The following NVL variants were observed in gnomAD, a reference collection of about 807,000 sequenced individuals.
NVL encodes the protein nuclear valosin-containing protein-like.
In NVL, 84 loss-of-function variants were observed where a neutral mutation model predicts 110.2. The observed-to-expected ratio is 0.76, with a 90% CI of 0.64 to 0.91. The LOEUF (loss-of-function observed/expected upper bound fraction) is 0.91, where lower values mean the gene tolerates loss of function less well. NVL is among the 40% of genes least tolerant of loss of function. The pLI is 0.00. For missense variants in NVL, 882 were observed against 1,035.9 expected (o/e 0.85, Z 2.04); for synonymous variants, 354 against 361.1 (o/e 0.98, Z 0.22).
chr1:224,273,044 A>AC (rs1558287039), intron 17 of NVL, among the ~76,000 whole-genome samples: 3 of 32,314 alleles, frequency 9.3e-5, no homozygotes, highest in African/African-American at 1.5e-4. Context: ...AAAAAAAAAC[A>AC]AAAAAAACAA....
chr1:224,327,675 A>T (rs967530292), intron 1 of NVL, among the ~76,000 whole-genome samples: 4 of 151,836 alleles, frequency 2.6e-5, no homozygotes, highest in Non-Finnish European at 5.9e-5. Context: ...AGAATAAGGG[A>T]TATTCATTTG....
Position 224,231,802 on chromosome 1 carries a change from G to A in NVL, c.2456-506C>T, listed in dbSNP as rs1050215530. 8.6e-5 allele frequency among the ~76,000 whole-genome samples: 13 copies of A among 151,856 alleles called. No individual in the cohort carries two copies. In the South Asian group the frequency reaches 1.7e-3, roughly 19 times the overall value. On this transcript the variant is annotated intron_variant, in intron 21 of 22. Coordinates refer to ENST00000281701, the MANE Select transcript of NVL (RefSeq NM_002533.4). ...AGCACTTTGGGAGGCCGAGGTGGGC[G>A]GATCATGAGATCAGGAGTTCGAGAC...
intron 18 of NVL, among the ~76,000 whole-genome samples, chr1:224,253,352 T>TA (rs1662735657): frequency 6.6e-6 from 1 of 150,714 alleles, no homozygotes; most frequent in Non-Finnish European, 1.5e-5. Flanking sequence ...TCCCAGGCTG[T>TA]ATATGCTTTC....
At position 224,287,837 on chromosome 1, in the gene NVL, C is replaced by T; in HGVS notation, c.1732G>A (p.Val578Met). 2.5e-6 allele frequency: 4 copies of T among 1,614,132 alleles called. No individual in the cohort carries two copies. In the South Asian group the frequency reaches 4.4e-5, roughly 18 times the overall value. Residue 578 changes from valine to methionine, a missense_variant, in exon 14 of 23, where the codon GTG (valine) becomes ATG (methionine). By Grantham distance (21) the Val-to-Met change is conservative. Coordinates refer to ENST00000281701, the MANE Select transcript of NVL (RefSeq NM_002533.4). Reference protein sequence around the residue: ...KREGFVTVPNVTWADIGALED... With the variant: ...KREGFVTVPNMTWADIGALED... ...AGGGCACCAATATCTGCCCATGTCA[C>T]ATTAGGGACAGTGACAAAGCCTTCC...
chr1:224,278,036 A>C (rs1289373674), intron 16 of NVL, among the ~76,000 whole-genome samples: 2 of 152,152 alleles, frequency 1.3e-5, no homozygotes, highest in African/African-American at 4.8e-5. Flanking sequence ...TTGTCCTACC[A>C]GACTGAACCC....
At chr1:224,251,271 CAA>C (rs35538758) in intron 18 of NVL, among the ~76,000 whole-genome samples, 102 of 62,168 alleles carry the variant, frequency 1.6e-3, no homozygotes, top group African/African-American at 4.9e-3. Flanking sequence ...GATACTGTCT[CAA>C]AAAAAAAAAA....
rs1667811856 is a variant in NVL, at chr1:224,295,702, G to A, written c.1180+799C>T. Among the ~76,000 whole-genome samples, 2 of 151,104 alleles carry A rather than the reference G, an allele frequency of 1.3e-5. 1 individual carries two copies. The highest frequency in any genetic ancestry group is 1.3e-4 in the Admixed American group (2 of 15,150). ...GTCTTTAAAAAAAAAAAACACCCAG[G>A]CACAGTGGCTCACACCTGTAATCCC... is the stretch of plus-strand genomic sequence containing the variant. On this transcript the variant is annotated intron_variant, in intron 11 of 22. Transcript: ENST00000281701.
At chr1:224,329,209 G>A (rs796827220) in intron 1 of NVL, among the ~76,000 whole-genome samples, 4 of 152,174 alleles carry the variant, frequency 2.6e-5, no homozygotes, top group African/African-American at 9.6e-5. Flanking sequence ...GCAACAGAGC[G>A]AGACTATGTC....
chr1:224,297,657 A>C (rs1193711431), intron 10 of NVL: 3 of 184,894 alleles, frequency 1.6e-5, no homozygotes, highest in Non-Finnish European at 2.4e-5. Flanking sequence ...TGATGAACAC[A>C]AAGAGAAAGA....
chr1:224,327,541 T>C (rs1225674896), intron 1 of NVL, among the ~76,000 whole-genome samples: 1 of 152,110 alleles, frequency 6.6e-6, no homozygotes, highest in African/African-American at 2.4e-5. Flanking sequence ...GTAAGGTGTA[T>C]ATGAAACATA....
In NVL at chr1:224,296,617, G is replaced by C. The variant is rs1270632254; in HGVS notation, c.1064C>G (p.Ser355Ter). ...AATGAAAATGATACATGGTGCATTTGACTAGAAATAAAAATATCACAAAAA... is the reference window on the plus strand; with the variant it reads ...AATGAAAATGATACATGGTGCATTTCACTAGAAATAAAAATATCACAAAAA... ...KLRELFEQAVSNAPCIIFIDE... is the reference protein window; with the variant it reads ...KLRELFEQAV The change falls in exon 11 of 23, where the codon TCA becomes TGA. Residue 355 changes from serine to a stop codon, truncating the protein, a stop_gained and splice_region_variant. Coordinates refer to ENST00000281701, the MANE Select transcript of NVL (RefSeq NM_002533.4). LOFTEE classifies it high-confidence loss of function. 7.1e-6 allele frequency: 11 copies of C among 1,553,100 alleles called. No homozygotes were observed. The highest frequency in any genetic ancestry group is 9.7e-6 in the Non-Finnish European group (11 of 1,138,458).
chr1:224,259,725 G>A (rs1031250614), intron 18 of NVL, among the ~76,000 whole-genome samples: 1 of 151,908 alleles, frequency 6.6e-6, no homozygotes, highest in African/African-American at 2.4e-5. Context: ...CACAATCTCC[G>A]CTCATTACAA....
intron 19 of NVL, among the ~76,000 whole-genome samples, chr1:224,246,842 C>G (rs1427234589): frequency 6.6e-6 from 1 of 151,860 alleles, no homozygotes; most frequent in Non-Finnish European, 1.5e-5. Flanking sequence ...TTGAGACCAG[C>G]CTGGCTAACA....
intron 20 of NVL, among the ~76,000 whole-genome samples, chr1:224,234,092 G>C (rs531638193): frequency 8.5e-5 from 13 of 152,280 alleles, no homozygotes; most frequent in African/African-American, 1.2e-4. Context: ...ACAAACCCTG[G>C]AAAGTCTTTA....
intron 22 of NVL, among the ~76,000 whole-genome samples, chr1:224,228,924 CAAAAAAAAA>C (rs368485856): frequency 2.4e-5 from 2 of 81,686 alleles, no homozygotes; most frequent in Non-Finnish European, 4.2e-5. Context: ...GACTCCGTCT[CAAAAAAAAA>C]AAAAAAAAAA....
chr1:224,275,527 A>T, intron 16 of NVL, 69 bp from the exon 17 acceptor site: 2 of 1,593,132 alleles, frequency 1.3e-6, no homozygotes, highest in Non-Finnish European at 1.7e-6. Flanking sequence ...AATGATACTA[A>T]ACAGTTTTAT....
chr1:224,229,889 T>C (rs1329743441), intron 22 of NVL, among the ~76,000 whole-genome samples: 1 of 152,144 alleles, frequency 6.6e-6, no homozygotes, highest in African/African-American at 2.4e-5. Context: ...TGGAGTACAA[T>C]GGTGTGATCA....
chr1:224,326,186 A>G (rs1032664301), intron 2 of NVL, among the ~76,000 whole-genome samples: 5 of 152,182 alleles, frequency 3.3e-5, no homozygotes, highest in African/African-American at 4.8e-5. Flanking sequence ...GCAGTGACCC[A>G]TTTCCCACAG....
chr1:224,301,494 C>A (rs1304509892), intron 9 of NVL, among the ~76,000 whole-genome samples: 3 of 152,074 alleles, frequency 2.0e-5, no homozygotes, highest in Non-Finnish European at 4.4e-5. Context: ...TTCTCCAAAT[C>A]CTAACCCAGA....
Sources: allele counts gnomAD v4.1 joint callset (sites outside exome capture counted in the v4.1 genomes callset), GRCh38; gene constraint gnomAD v4.1.1; transcripts MANE v1.5; gene names NCBI Gene and HGNC (gene_info 2026-07-23, HGNC 2026-07-21).